Variants in PTPRD observed in about 807,000 individuals in gnomAD.
PTPRD encodes the protein protein tyrosine phosphatase receptor type D, also known as receptor-type tyrosine-protein phosphatase delta.
Under a neutral mutation model 214.5 loss-of-function variants are expected in PTPRD, and 34 were observed. The ratio of observed to expected loss-of-function variants is 0.16; its 90% CI spans 0.12 to 0.21. The LOEUF (loss-of-function observed/expected upper bound fraction) is 0.21. Among genes scored for constraint, PTPRD ranks in the 10% least tolerant of loss-of-function variants. The pLI, the probability that PTPRD is intolerant of heterozygous loss-of-function variation, is 1.00. For missense variants in PTPRD, 2,545 were observed against 2,398.7 expected (o/e 1.06, Z -1.27); for synonymous variants, 1,128 against 845.7 (o/e 1.33, Z -5.79).
At chr9:9,364,943 A>C (rs1458296577) in intron 9 of PTPRD, among the ~76,000 whole-genome samples, 1 of 151,442 alleles carries the variant, frequency 6.6e-6, no homozygotes, top group Non-Finnish European at 1.5e-5. Context: ...GCAGCAGAGA[A>C]GGGTGTAGGA....
chr9:9,052,794 A>G (rs2154395724), intron 10 of PTPRD, among the ~76,000 whole-genome samples: 1 of 152,342 alleles, frequency 6.6e-6, no homozygotes, highest in Non-Finnish European at 1.5e-5. Flanking sequence ...TAGGAATTTT[A>G]TGTCACTTGA....
intron 18 of PTPRD, 63 bp downstream of exon 18, chr9:8,524,862 G>T: frequency 7.5e-7 from 1 of 1,328,570 alleles, no homozygotes; most frequent in Non-Finnish European, 1.1e-6. Flanking sequence ...CACGGACCCT[G>T]CGGCGTCTCA....
chr9:8,989,459 T>G (rs1430014487), intron 11 of PTPRD, among the ~76,000 whole-genome samples: 1 of 152,144 alleles, frequency 6.6e-6, no homozygotes, highest in Admixed American at 6.6e-5. Flanking sequence ...TATGTGATAT[T>G]TGTTTTACTG....
intron 11 of PTPRD, among the ~76,000 whole-genome samples, chr9:8,740,167 T>C (rs1000995869): frequency 1.3e-5 from 2 of 152,090 alleles, no homozygotes; most frequent in Admixed American, 6.5e-5. Context: ...ACGCCCAATC[T>C]CATCTGATCA....
chr9:8,708,679 C>CAAAAAAAAAA (rs765081509), intron 12 of PTPRD, among the ~76,000 whole-genome samples: 1 of 39,396 alleles, frequency 2.5e-5, no homozygotes, highest in Non-Finnish European at 4.7e-5. Context: ...GACTCTGTCT[C>CAAAAAAAAAA]AAAAAAAAAA....
intron 7 of PTPRD, among the ~76,000 whole-genome samples, chr9:9,682,280 G>C (rs1595096752): frequency 6.6e-6 from 1 of 151,630 alleles, no homozygotes; most frequent in Non-Finnish European, 1.5e-5. Context: ...GTTTTCTCTA[G>C]TCCTATAGTT....
intron 39 of PTPRD, among the ~76,000 whole-genome samples, chr9:8,357,751 G>A (rs147784069): frequency 9.9e-5 from 15 of 152,142 alleles, no homozygotes; most frequent in African/African-American, 3.6e-4. Flanking sequence ...ATTGGGAATA[G>A]GATGCTTATT....
At chr9:9,423,432 G>C (rs1251290626) in intron 8 of PTPRD, among the ~76,000 whole-genome samples, 3 of 152,144 alleles carry the variant, frequency 2.0e-5, no homozygotes, top group Non-Finnish European at 4.4e-5. Context: ...GGACTTCTCA[G>C]CCTCAAGGAT....
At chr9:10,092,158 A>C (rs1248065635) in intron 3 of PTPRD, among the ~76,000 whole-genome samples, 1 of 151,510 alleles carries the variant, frequency 6.6e-6, no homozygotes, top group Non-Finnish European at 1.5e-5. Flanking sequence ...GTGTCTACCA[A>C]ACCACCTATG....
rs1041008956 is a variant in PTPRD at position 9,003,349 on chromosome 9, T to G, written c.-104+15348A>C. ...TGAATACTCTAGGCAGTCTGGCTGT[T>G]GCATCTGAGCCTGTCCTTTTGTTAC... On this transcript the variant is annotated intron_variant, in intron 11 of 45. Transcript: ENST00000381196. Among the ~76,000 whole-genome samples, 12 of 152,028 alleles carry G rather than the reference T, an allele frequency of 7.9e-5. No homozygotes were observed. The East Asian group carries it at 2.3e-3, about 30-fold the overall frequency.
At chr9:8,490,380 C>A (rs978138425) in intron 27 of PTPRD, among the ~76,000 whole-genome samples, 84 of 152,268 alleles carry the variant, frequency 5.5e-4, no homozygotes, top group African/African-American at 1.9e-3. Flanking sequence ...TGGAGATCAA[C>A]CGAGGTACTC....
chr9:8,860,558 C>T (rs1344998313), intron 11 of PTPRD: 5 of 152,114 alleles, frequency 3.3e-5, no homozygotes, highest in African/African-American at 1.2e-4. Context: ...GGAGATACAG[C>T]AAATAGAGAA....
chr9:8,799,319 T>C (rs2154516594), intron 11 of PTPRD, among the ~76,000 whole-genome samples: 1 of 152,320 alleles, frequency 6.6e-6, no homozygotes, highest in African/African-American at 2.4e-5. Flanking sequence ...TTTGTTGTAG[T>C]TGGTATAAGA....
chr9:9,915,962 G>A (rs970654986), intron 5 of PTPRD, among the ~76,000 whole-genome samples: 9 of 151,258 alleles, frequency 6.0e-5, no homozygotes, highest in African/African-American at 1.9e-4. Context: ...TCTAAAAGCT[G>A]GAAAAGAAAA....
intron 2 of PTPRD, among the ~76,000 whole-genome samples, chr9:10,354,282 T>C (rs10121281): frequency 0.29 from 44,494 of 152,038 alleles, 6,810 homozygotes; most frequent in South Asian, 0.44. Context: ...TAAACATTTG[T>C]TGCTATACAT....
intron 3 of PTPRD, among the ~76,000 whole-genome samples, chr9:10,243,167 A>G (rs549794090): frequency 1.6e-4 from 24 of 152,092 alleles, no homozygotes; most frequent in African/African-American, 5.8e-4. Context: ...AGTTATTCAG[A>G]GACTTCATTA....
chr9:8,556,443 G>T (rs1017934154), intron 14 of PTPRD, among the ~76,000 whole-genome samples: 2 of 152,104 alleles, frequency 1.3e-5, no homozygotes, highest in Non-Finnish European at 2.9e-5. Flanking sequence ...CTAATGCTTG[G>T]AAATGGCTGA....
At chr9:9,115,712 A>G (rs2099811770) in intron 10 of PTPRD, among the ~76,000 whole-genome samples, 1 of 152,166 alleles carries the variant, frequency 6.6e-6, no homozygotes, top group South Asian at 2.1e-4. Context: ...AGTTTTAAAG[A>G]CACAGAATCC....
At chr9:9,258,100 G>GATAC (rs1311707985) in intron 9 of PTPRD, among the ~76,000 whole-genome samples, 3 of 149,330 alleles carry the variant, frequency 2.0e-5, no homozygotes, top group African/African-American at 7.3e-5. Flanking sequence ...GAGATAGATA[G>GATAC]ATAGATAGAT....
Sources: allele counts gnomAD v4.1 joint callset (sites outside exome capture counted in the v4.1 genomes callset), GRCh38; gene constraint gnomAD v4.1.1; transcripts MANE v1.5; gene names NCBI Gene and HGNC (gene_info 2026-07-23, HGNC 2026-07-21).